The following GRM7 variants were observed in gnomAD, a reference collection of about 807,000 sequenced individuals.
GRM7 encodes glutamate metabotropic receptor 7, also known as metabotropic glutamate receptor 7.
A neutral mutation model predicts 84.5 loss-of-function variants in GRM7; 35 were observed. The ratio of observed to expected loss-of-function variants is 0.41; its 90% confidence interval spans 0.32 to 0.55. GRM7 has a LOEUF of 0.55. Among genes scored for constraint, GRM7 ranks in the 20% least tolerant of loss-of-function variants. The pLI is 0.19. For missense variants in GRM7, 1,003 were observed against 1,194.6 expected, an observed-to-expected ratio of 0.84 and a Z score of 2.36; for synonymous variants, 487 against 455.1, an observed-to-expected ratio of 1.07 and a Z score of -0.89.
At position 7,056,236 on chromosome 3, in the gene GRM7, G is replaced by A. The variant is rs556422176; in HGVS notation, c.520-90216G>A. 3.8e-3 allele frequency among the ~76,000 whole-genome samples: 572 copies of A among 152,076 alleles called. 6 individuals are homozygous for A. Among genetic ancestry groups the A allele is most frequent in the Non-Finnish European group, 3.4e-3 (232 of 67,940 alleles). On this transcript the variant is annotated intron_variant, in intron 1 of 9. Coordinates refer to ENST00000357716, the MANE Select transcript of GRM7 (RefSeq NM_000844.4). The stretch of plus-strand genomic sequence containing the variant: ...AGGGCTTCTGGCAGCCACAGTTTCT[G>A]GAAAAGAGGACTTAGAGTTCTCAAT...
At chr3:7,330,745 C>A (rs1322874620) in intron 4 of GRM7, among the ~76,000 whole-genome samples, 3 of 152,206 alleles carry the variant, frequency 2.0e-5, no homozygotes, top group African/African-American at 7.2e-5. Context: ...CATTAAAACT[C>A]TTTTTCTTTA....
chr3:7,651,084 T>A (rs1295930554), intron 8 of GRM7, among the ~76,000 whole-genome samples: 1 of 152,144 alleles, frequency 6.6e-6, no homozygotes. Flanking sequence ...TAGCACAGGG[T>A]GTTCATACAG....
chr3:7,288,339 G>A (rs527841657), intron 2 of GRM7, among the ~76,000 whole-genome samples: 4 of 152,148 alleles, frequency 2.6e-5, no homozygotes, highest in East Asian at 3.9e-4. Context: ...CAAGCTTTCC[G>A]TTTATTCTGT....
chr3:7,225,448 ATATAT>A (rs1417344207), intron 2 of GRM7, among the ~76,000 whole-genome samples: 1 of 147,650 alleles, frequency 6.8e-6, no homozygotes, highest in Non-Finnish European at 1.5e-5. Flanking sequence ...TAATTTCTTG[ATATAT>A]TAAAGAAATT....
chr3:7,107,502 C>A (rs780733058), intron 1 of GRM7, among the ~76,000 whole-genome samples: 22 of 151,984 alleles, frequency 1.4e-4, no homozygotes, highest in Non-Finnish European at 3.1e-4. Context: ...CCAGATAGGA[C>A]ATTAGCCCCA....
intron 1 of GRM7, among the ~76,000 whole-genome samples, chr3:6,883,232 T>C (rs1695577010): frequency 6.6e-6 from 1 of 152,176 alleles, no homozygotes; most frequent in South Asian, 2.1e-4. Flanking sequence ...ATGACCTTTA[T>C]GCATTTATTC....
rs549614343 is a variant in GRM7 at position 7,391,453 on chromosome 3, A to T, written c.1034-23570A>T. ...AAACCATCATTCTGAGCAAACTATCACAAGGACAGAAAACCAAACACTGCA... is the reference window on the plus strand; with the variant it reads ...AAACCATCATTCTGAGCAAACTATCTCAAGGACAGAAAACCAAACACTGCA... On this transcript the variant is annotated intron_variant, in intron 4 of 9. Transcript: ENST00000357716. 3.4e-4 allele frequency among the ~76,000 whole-genome samples: 52 copies of T among 152,284 alleles called. No homozygotes were observed. In the South Asian group the frequency reaches 0.01, roughly 30 times the overall value.
In GRM7 at chr3:7,603,642, T is replaced by A. The variant is rs73809460; in HGVS notation, c.2451+24285T>A. ...TTATGTACTTATTTTTTCCATCATT[T>A]TTCTCCTAACATCTGGAGTGTTAGG... On this transcript the variant is annotated intron_variant, in intron 8 of 9. Coordinates refer to ENST00000357716, the MANE Select transcript of GRM7 (RefSeq NM_000844.4). Among the ~76,000 whole-genome samples the A allele has an allele frequency of 8.4e-3, 1,273 of 152,278 alleles. 26 individuals are homozygous for A. The highest frequency in any genetic ancestry group is 0.029 in the African/African-American group (1,224 of 41,562).
chr3:7,376,918 A>G (rs1260888771), intron 4 of GRM7, among the ~76,000 whole-genome samples: 1 of 152,212 alleles, frequency 6.6e-6, no homozygotes, highest in East Asian at 1.9e-4. Context: ...CATCTACAGT[A>G]GTACCACCTC....
intron 5 of GRM7, among the ~76,000 whole-genome samples, chr3:7,435,851 C>CTTTTTT (rs34860272): frequency 1.4e-3 from 129 of 89,178 alleles, no homozygotes; most frequent in African/African-American, 3.1e-3. Flanking sequence ...CCACACCCAT[C>CTTTTTT]TTTTTTTTTT....
Position 6,861,453 on chromosome 3 carries a change from A to T in GRM7, c.65A>T (p.Glu22Val), listed in dbSNP as rs749320273. 6.8e-7 allele frequency: 1 copy of T among 1,466,218 alleles called. No individual in the cohort carries two copies. The highest frequency in any genetic ancestry group is 1.4e-5 in the African/African-American group (1 of 69,458). 90.8% of individuals were successfully genotyped at this position (1,466,218 alleles called of 1,614,324 possible). ...ATGAAGTTCCCCTGCTGCGTGCTGG[A>T]GGTGCTCCTGTGCGCGCTGGCGGCG... ...TLMKFPCCVL[E>V]VLLCALAAAA... The change falls in exon 1 of 10, where the codon GAG (glutamate) becomes GTG (valine). Residue 22 changes from glutamate (E) to valine (V), a missense_variant. Transcript: ENST00000357716. This position sits in a 1 kb window ranked among gnomAD's most constrained non-coding sequence, Gnocchi z 6.4.
Position 7,432,722 on chromosome 3 carries a change from A to T in GRM7, c.1174+17559A>T, listed in dbSNP as rs184528588. 1.2e-3 allele frequency among the ~76,000 whole-genome samples: 186 copies of T among 152,330 alleles called. 1 individual carries two copies. The highest frequency in any genetic ancestry group is 5.4e-3 in the Admixed American group (82 of 15,304). ...ATGTGGAATCCTACCAATGTGTTCT[A>T]TCAAACGAAGGCTATCAAAAATGAT... On this transcript the variant is annotated intron_variant, in intron 5 of 9. Transcript: ENST00000357716.
At chr3:7,713,700 A>G (rs1701670490) in intron 9 of GRM7, among the ~76,000 whole-genome samples, 1 of 151,842 alleles carries the variant, frequency 6.6e-6, no homozygotes, top group Middle Eastern at 3.2e-3. Context: ...AATGCATGTT[A>G]ACAGCATAAT....
chr3:7,102,627 T>A (rs1190045412), intron 1 of GRM7, among the ~76,000 whole-genome samples: 1 of 151,742 alleles, frequency 6.6e-6, no homozygotes, highest in African/African-American at 2.4e-5. Flanking sequence ...CTAGTTTTTC[T>A]CCACATTTTT....
intron 7 of GRM7, among the ~76,000 whole-genome samples, chr3:7,491,786 A>C (rs1699527032): frequency 6.6e-6 from 1 of 152,244 alleles, no homozygotes; most frequent in Admixed American, 6.5e-5. Context: ...AATAAGATAA[A>C]GCATGGAAAC....
Position 7,153,133 on chromosome 3 carries a change from A to ATTTTTT in GRM7, c.736+6481_736+6486dup, listed in dbSNP as rs34465661. On this transcript the variant is annotated intron_variant, in intron 2 of 9. Transcript: ENST00000357716. ...TTGCCCAGTAAGCTTGGTACTGTGG[A>ATTTTTT]TTTTTTTTTTTTTTTTTTTTTGGCT... Among the ~76,000 whole-genome samples, 211 of 103,364 alleles carry ATTTTTT rather than the reference A, an allele frequency of 2.0e-3. 2 individuals are homozygous for ATTTTTT. Among genetic ancestry groups the ATTTTTT allele is most frequent in the African/African-American group, 7.7e-3 (200 of 26,052 alleles). 67.8% of individuals were successfully genotyped at this position (103,364 alleles called of 152,430 possible).
intron 4 of GRM7, among the ~76,000 whole-genome samples, chr3:7,348,868 C>A (rs962774381): frequency 7.2e-5 from 11 of 152,056 alleles, no homozygotes; most frequent in African/African-American, 2.7e-4. Context: ...TCCCTATATC[C>A]AGCCTATGGA....
chr3:7,606,213 CATAGTAGTAACAGAGCAA>C (rs1696560831), intron 8 of GRM7, among the ~76,000 whole-genome samples: 1 of 152,112 alleles, frequency 6.6e-6, no homozygotes, highest in African/African-American at 2.4e-5. Flanking sequence ...CCATAAAACT[CATAGTAGTAACAGAGCAA>C]ATGAACCAGA....
At chr3:7,260,107 C>T (rs1698364383) in intron 2 of GRM7, among the ~76,000 whole-genome samples, 1 of 151,776 alleles carries the variant, frequency 6.6e-6, no homozygotes, top group South Asian at 2.1e-4. Flanking sequence ...TGAAAAGTGT[C>T]TGTTCATGCC....
Sources: allele counts gnomAD v4.1 joint callset (sites outside exome capture counted in the v4.1 genomes callset), GRCh38; gene constraint gnomAD v4.1.1; non-coding constraint Gnocchi (gnomAD v3.1); transcripts MANE v1.5; gene names NCBI Gene and HGNC (gene_info 2026-07-23, HGNC 2026-07-21).